KAZN: variants seen among roughly 807,000 people sequenced by gnomAD.
The protein encoded by KAZN is kazrin, periplakin interacting protein, also known as kazrin.
A neutral mutation model predicts 87.4 loss-of-function variants in KAZN; 40 were observed. The observed-to-expected ratio is 0.46, with a 90% CI of 0.36 to 0.60. KAZN has a LOEUF of 0.60. Ranked by LOEUF, KAZN falls within the 20% of genes least tolerant of loss-of-function variation. The pLI is 0.00. For missense variants in KAZN, 898 were observed against 1,073.9 expected, an observed-to-expected ratio of 0.84 and a Z score of 2.29; for synonymous variants, 466 against 458.3, an observed-to-expected ratio of 1.02 and a Z score of -0.22.
intron 1 of KAZN, among the ~76,000 whole-genome samples, chr1:14,889,031 A>T (rs1654422859): frequency 6.6e-6 from 1 of 152,248 alleles, no homozygotes; most frequent in South Asian, 2.1e-4. Flanking sequence ...TCGCAAAAAC[A>T]TCTCATAGTG....
intron 2 of KAZN, among the ~76,000 whole-genome samples, chr1:14,200,606 C>T (rs968075968): frequency 6.6e-6 from 1 of 152,266 alleles, no homozygotes; most frequent in South Asian, 2.1e-4. Flanking sequence ...TATAGGCAAA[C>T]ACAGAAAGCC....
intron 1 of KAZN, among the ~76,000 whole-genome samples, chr1:14,841,656 C>A (rs2100933518): frequency 6.6e-6 from 1 of 152,286 alleles, no homozygotes. Context: ...ATTGGCTTAA[C>A]ATCAGCAGCA....
At chr1:14,008,094 C>T (rs969368733) in intron 1 of KAZN, among the ~76,000 whole-genome samples, 1 of 152,156 alleles carries the variant, frequency 6.6e-6, no homozygotes, top group Non-Finnish European at 1.5e-5. Context: ...GTGGCCTGCT[C>T]ACTTCTTGTA....
At chr1:14,112,547 T>C (rs7515917) in intron 1 of KAZN, among the ~76,000 whole-genome samples, 81,509 of 152,050 alleles carry the variant, frequency 0.54, 22,350 homozygotes, top group East Asian at 0.68. Flanking sequence ...CACCCTTGTA[T>C]GATCACTTCT....
chr1:14,023,647 T>C (rs1280443519), intron 1 of KAZN, among the ~76,000 whole-genome samples: 1 of 151,880 alleles, frequency 6.6e-6, no homozygotes, highest in East Asian at 1.9e-4. Context: ...AAGGAAGAAA[T>C]GCCAGTAAAA....
At chr1:14,514,223 G>A (rs1184868455) in intron 2 of KAZN, among the ~76,000 whole-genome samples, 1 of 140,014 alleles carries the variant, frequency 7.1e-6, no homozygotes. Flanking sequence ...TACTCGGGAG[G>A]CTGAGGCAGG....
chr1:14,968,748 T>G (rs2101822893), intron 2 of KAZN, among the ~76,000 whole-genome samples: 1 of 152,234 alleles, frequency 6.6e-6, no homozygotes, highest in East Asian at 1.9e-4. Context: ...TGCCACAGAG[T>G]GAGTCACCTG....
chr1:14,615,603 A>G (rs1463853121), intron 1 of KAZN, among the ~76,000 whole-genome samples: 2 of 151,238 alleles, frequency 1.3e-5, no homozygotes, highest in East Asian at 2.0e-4. Flanking sequence ...TCCAGTCTGC[A>G]TGTCAGAGTG....
At chr1:14,905,797 G>C (rs1017407376) in intron 1 of KAZN, among the ~76,000 whole-genome samples, 2 of 149,890 alleles carry the variant, frequency 1.3e-5, no homozygotes, top group East Asian at 4.0e-4. Flanking sequence ...GAGCCGAGAT[G>C]GCACCACTGC....
At position 14,933,248 on chromosome 1, in the gene KAZN, C is replaced by G. The variant is rs150456553; in HGVS notation, c.227-27436C>G. ...CTGAGATTACACACATGTGCCACCA[C>G]ACCTGGCTAATTTTTTGGATTTTTA... On this transcript the variant is annotated intron_variant, in intron 1 of 14. Transcript: ENST00000376030. Among the ~76,000 whole-genome samples, 88 of 152,294 alleles carry G rather than the reference C, an allele frequency of 5.8e-4. 1 individual carries two copies. Among genetic ancestry groups the G allele is most frequent in the African/African-American group, 2.0e-3 (85 of 41,562 alleles).
At chr1:15,100,489 A>AT (rs1412431565) in intron 10 of KAZN, among the ~76,000 whole-genome samples, 4 of 152,152 alleles carry the variant, frequency 2.6e-5, no homozygotes, top group African/African-American at 9.7e-5. Context: ...GACCTGGGGC[A>AT]TTTTGCAAAG....
intron 2 of KAZN, among the ~76,000 whole-genome samples, chr1:14,321,003 A>C (rs1239167440): frequency 6.6e-6 from 1 of 152,156 alleles, no homozygotes; most frequent in East Asian, 1.9e-4. Flanking sequence ...TTTTGCTTTA[A>C]GGCATTTTTG....
intron 2 of KAZN, among the ~76,000 whole-genome samples, chr1:14,518,784 T>A (rs1671428725): frequency 6.6e-6 from 1 of 152,222 alleles, no homozygotes; most frequent in African/African-American, 2.4e-5. Flanking sequence ...ATTAGGAGAA[T>A]CAACATAGAT....
chr1:14,325,335 G>T (rs1656333544), intron 2 of KAZN, among the ~76,000 whole-genome samples: 4 of 152,114 alleles, frequency 2.6e-5, no homozygotes, highest in Admixed American at 2.6e-4. Flanking sequence ...TGAAAATGCT[G>T]CCACCTGACT....
chr1:14,888,382 G>A (rs1654340135), intron 1 of KAZN, among the ~76,000 whole-genome samples: 1 of 152,178 alleles, frequency 6.6e-6, no homozygotes, highest in Non-Finnish European at 1.5e-5. Context: ...AGGGCTTCAG[G>A]AAAGAGAGAG....
intron 1 of KAZN, among the ~76,000 whole-genome samples, chr1:13,907,952 T>C (rs561637969): frequency 3.2e-4 from 48 of 152,338 alleles, no homozygotes; most frequent in African/African-American, 1.1e-3. Context: ...CTGAGAATTA[T>C]TGGGGTCTGA....
chr1:13,923,337 GCT>G lies in KAZN; in HGVS notation c.91+29582_91+29583del, dbSNP rs1490962639. 1.5e-3 allele frequency among the ~76,000 whole-genome samples: 235 copies of G among 152,222 alleles called. 1 individual carries two copies. The highest frequency in any genetic ancestry group is 5.4e-3 in the African/African-American group (225 of 41,540). ...GCCTGTAATCCCAGCACTTTGGGAG[GCT>G]GAGGTGGGCAGATCACGAGGTCAGG... On this transcript the variant is annotated intron_variant, in intron 1 of 16. Coordinates refer to the KAZN transcript ENST00000636203.
chr1:14,354,685 C>CACACACACACACACAA (rs1427516822), intron 2 of KAZN, among the ~76,000 whole-genome samples: 1 of 145,242 alleles, frequency 6.9e-6, no homozygotes, highest in African/African-American at 2.6e-5. Context: ...CACACACACA[C>CACACACACACACACAA]ACAAACAAAC....
intron 1 of KAZN, among the ~76,000 whole-genome samples, chr1:14,957,613 C>G (rs1462755955): frequency 1.3e-5 from 2 of 152,134 alleles, no homozygotes; most frequent in East Asian, 3.9e-4. Context: ...AGGAGCGGAG[C>G]CGTTTTAGGT....
Sources: allele counts gnomAD v4.1 joint callset (sites outside exome capture counted in the v4.1 genomes callset), GRCh38; gene constraint gnomAD v4.1.1; transcripts MANE v1.5; gene names NCBI Gene and HGNC (gene_info 2026-07-23, HGNC 2026-07-21).